KCNJ15: variants seen among roughly 807,000 people sequenced by gnomAD.
The protein encoded by KCNJ15 is potassium inwardly rectifying channel subfamily J member 15.
A neutral mutation model predicts 23.0 loss-of-function variants in KCNJ15; 14 were observed. The ratio of observed to expected loss-of-function variants is 0.61; its 90% CI spans 0.40 to 0.95. The LOEUF (loss-of-function observed/expected upper bound fraction) is 0.95. KCNJ15 is among the 40% of genes least tolerant of loss of function. KCNJ15 has a pLI of 0.00. For synonymous variants in KCNJ15, 185 were observed against 183.2 expected, an observed-to-expected ratio of 1.01 and a Z score of -0.08; for missense variants, 388 against 461.8, an observed-to-expected ratio of 0.84 and a Z score of 1.46.
intron 1 of KCNJ15, among the ~76,000 whole-genome samples, chr21:38,288,430 T>C (rs1410156818): frequency 6.6e-6 from 1 of 152,130 alleles, no homozygotes; most frequent in African/African-American, 2.4e-5. Flanking sequence ...CCAATGAAGA[T>C]AAGAATTTTA....
At chr21:38,287,181 G>A (rs1426929897) in intron 1 of KCNJ15, among the ~76,000 whole-genome samples, 1 of 152,184 alleles carries the variant, frequency 6.6e-6, no homozygotes, top group African/African-American at 2.4e-5. Context: ...AAGAGCCCCT[G>A]AGCTAATATC....
chr21:38,285,374 G>A (rs1202166630), intron 1 of KCNJ15, among the ~76,000 whole-genome samples: 3 of 152,184 alleles, frequency 2.0e-5, no homozygotes, highest in South Asian at 2.1e-4. Context: ...TTTATTTCAC[G>A]TGACCCTATG....
intron 1 of KCNJ15, among the ~76,000 whole-genome samples, chr21:38,296,340 C>T (rs1985155674): frequency 6.6e-6 from 1 of 152,074 alleles, no homozygotes; most frequent in Non-Finnish European, 1.5e-5. Context: ...AAAGTACATG[C>T]AAAAGAACCT....
chr21:38,261,746 C>T (rs2000458), intron 1 of KCNJ15, among the ~76,000 whole-genome samples: 108,284 of 151,986 alleles, frequency 0.71, 39,035 homozygotes, highest in Non-Finnish European at 0.78. Flanking sequence ...CTTTTTCCAC[C>T]TGAAAAGCCC....
In KCNJ15 at chr21:38,245,685, GAAGAAAGAAAGAAGGAAAGGA is replaced by G. The variant is rs1445386063; in HGVS notation, c.-398-11348_-398-11328del. ...GAAAGAAGAAAGAAAGAAGGAAAGG[GAAGAAAGAAAGAAGGAAAGGA>G]AAGAAAGAAAGAGAGAGAAAGAGAA... On this transcript the variant is annotated intron_variant, in intron 1 of 4. Coordinates refer to the KCNJ15 transcript ENST00000547341. Among the ~76,000 whole-genome samples, 6 of 149,904 alleles carry G rather than the reference GAAGAAAGAAAGAAGGAAAGGA, an allele frequency of 4.0e-5. No individual in the cohort carries two copies. The South Asian group carries it at 6.3e-4, about 16-fold the overall frequency.
Position 38,299,212 on chromosome 21 carries a change from C to T in KCNJ15, c.-18-32C>T, listed in dbSNP as rs372055166. The T allele has an allele frequency of 3.1e-5, 47 of 1,497,414 alleles. No homozygotes were observed. The African/African-American group carries it at 3.9e-4, about 12-fold the overall frequency. 92.8% of individuals were successfully genotyped at this position (1,497,414 alleles called of 1,614,324 possible). On this transcript the variant is annotated intron_variant, in intron 2 of 2. Coordinates refer to ENST00000398938, the MANE Select transcript of KCNJ15 (RefSeq NM_170736.3). The surrounding 1 kb of genome is among the most constrained non-coding windows in gnomAD (Gnocchi z 4.5). ...TTTCTGGAAGTTCCACCACATATGGCGATAATGAAACATCTTTGTCATTTC... is the reference window on the plus strand; with the variant it reads ...TTTCTGGAAGTTCCACCACATATGGTGATAATGAAACATCTTTGTCATTTC...
intron 1 of KCNJ15, among the ~76,000 whole-genome samples, chr21:38,239,605 T>C (rs1016093560): frequency 2.6e-5 from 4 of 152,204 alleles, no homozygotes; most frequent in African/African-American, 7.2e-5. Context: ...AGAAATAATA[T>C]ACAGAGAACA....
At chr21:38,245,742 G>A (rs1483375348) in intron 1 of KCNJ15, among the ~76,000 whole-genome samples, 3 of 151,958 alleles carry the variant, frequency 2.0e-5, no homozygotes, top group African/African-American at 4.8e-5. Context: ...AGGAAGGAAG[G>A]AGAAAGAGAA....
At position 38,246,647 on chromosome 21, in the gene KCNJ15, C is replaced by T. The variant is rs142301058; in HGVS notation, c.-398-10399C>T. Among the ~76,000 whole-genome samples the T allele has an allele frequency of 8.7e-4, 133 of 152,252 alleles. 2 individuals are homozygous for T. The highest frequency in any genetic ancestry group is 7.9e-3 in the East Asian group (41 of 5,180). ...GATTTTAATTTTTAAAAAAGAGGAA[C>T]ATATTACAAAGGAAGCAGAATTTCA... On this transcript the variant is annotated intron_variant, in intron 1 of 4. Coordinates refer to the KCNJ15 transcript ENST00000547341.
Position 38,299,346 on chromosome 21 carries a change from G to T in KCNJ15, c.85G>T (p.Val29Phe). The change falls in exon 3 of 3, where the codon GTC becomes TTC. Residue 29 changes from valine (V) to phenylalanine (F), a missense_variant. Transcript: ENST00000398938. This position sits in a 1 kb window ranked among gnomAD's most constrained non-coding sequence, Gnocchi z 4.5. Reference protein sequence around the residue: ...GAGLKANRPRVMSKSGHSNVR... With the variant: ...GAGLKANRPRFMSKSGHSNVR... Reference sequence around the variant, plus strand: ...TGGGCTCAAGGCCAACAGACCCCGCGTCATGTCCAAGAGTGGGCACAGCAA... The same window carrying T: ...TGGGCTCAAGGCCAACAGACCCCGCTTCATGTCCAAGAGTGGGCACAGCAA... 1.9e-6 allele frequency: 3 copies of T among 1,614,172 alleles called. No homozygotes were observed. Among genetic ancestry groups the T allele is most frequent in the Non-Finnish European group, 1.7e-6 (2 of 1,180,012 alleles).
intron 2 of KCNJ15, among the ~76,000 whole-genome samples, chr21:38,297,649 A>C (rs1985298532): frequency 6.6e-6 from 1 of 152,238 alleles, no homozygotes; most frequent in African/African-American, 2.4e-5. Flanking sequence ...TACACTGAGA[A>C]GTGTTGCTGA....
intron 1 of KCNJ15, among the ~76,000 whole-genome samples, chr21:38,284,591 G>A (rs1983689972): frequency 6.6e-6 from 1 of 152,178 alleles, no homozygotes; most frequent in African/African-American, 2.4e-5. Context: ...CATTCCCTAT[G>A]CTGCGTTTAA....
intron 1 of KCNJ15, among the ~76,000 whole-genome samples, chr21:38,295,749 A>G (rs974742960): frequency 3.9e-5 from 6 of 152,250 alleles, no homozygotes. Context: ...GTATGTATCA[A>G]CACTGATTCA....
chr21:38,275,678 C>T (rs1176972058), intron 1 of KCNJ15, among the ~76,000 whole-genome samples: 1 of 152,102 alleles, frequency 6.6e-6, no homozygotes, highest in Non-Finnish European at 1.5e-5. Flanking sequence ...AGAGCCAAGG[C>T]ATTAGTTCAT....
At chr21:38,237,266 A>C (rs1978669659) in intron 1 of KCNJ15, 1 of 152,326 alleles carries the variant, frequency 6.6e-6, no homozygotes, top group Non-Finnish European at 1.5e-5. Context: ...AAATAGCTTT[A>C]GAATCCAGAG....
intron 1 of KCNJ15, among the ~76,000 whole-genome samples, chr21:38,251,688 C>CAAA (rs1979847868): frequency 6.6e-6 from 1 of 152,124 alleles, no homozygotes; most frequent in African/African-American, 2.4e-5. Flanking sequence ...CAGCTGACTT[C>CAAA]AAAAGAGCTG....
In KCNJ15 at chr21:38,281,394, G is replaced by A. The variant is rs146940229; in HGVS notation, c.-116-15532G>A. 1.5e-3 allele frequency among the ~76,000 whole-genome samples: 223 copies of A among 152,280 alleles called. 1 individual carries two copies. Among genetic ancestry groups the A allele is most frequent in the Non-Finnish European group, 3.7e-4 (25 of 68,020 alleles). ...TCCTGTCGTGCAGGTAGTGAGCACA[G>A]TACCTGACAGGTAGTTTTTAAAACC... On this transcript the variant is annotated intron_variant, in intron 1 of 2. Coordinates refer to ENST00000398938, the MANE Select transcript of KCNJ15 (RefSeq NM_170736.3).
chr21:38,275,516 C>T (rs1219857837), intron 1 of KCNJ15, among the ~76,000 whole-genome samples: 6 of 103,706 alleles, frequency 5.8e-5, no homozygotes, highest in Admixed American at 5.1e-4. Context: ...ACCGAAACTC[C>T]GTCAAAAAAA....
upstream of KCNJ15, among the ~76,000 whole-genome samples, chr21:38,254,141 A>G (rs1980027149): frequency 6.6e-6 from 1 of 152,190 alleles, no homozygotes; most frequent in Non-Finnish European, 1.5e-5. Flanking sequence ...TATTTCCCTT[A>G]GTTAGTTTCA....
Sources: gnomAD v4.1 joint callset for allele counts (sites outside exome capture counted in the v4.1 genomes callset) on GRCh38, gnomAD v4.1.1 for gene constraint, Gnocchi (gnomAD v3.1) non-coding constraint, MANE v1.5 for transcripts, NCBI Gene and HGNC (gene_info 2026-07-23, HGNC 2026-07-21) for gene names.